The following SGCB variants were observed in gnomAD, a reference collection of about 807,000 sequenced individuals.
SGCB encodes sarcoglycan beta.
In SGCB, 25 loss-of-function variants were observed where a neutral mutation model predicts 27.3. That is an observed-to-expected ratio of 0.92 (90% CI 0.67 to 1.28). The LOEUF (loss-of-function observed/expected upper bound fraction) is 1.28, where lower values mean the gene tolerates loss of function less well. SGCB is among the 50% of genes most tolerant of loss of function. SGCB has a pLI of 0.00. For missense variants in SGCB, 436 were observed against 402.1 expected (o/e 1.08, Z -0.72); for synonymous variants, 147 against 133.5 (o/e 1.10, Z -0.70).
At chr4:52,038,141 C>T in intron 1 of SGCB, 86 bp downstream of exon 1, 1 of 1,133,888 alleles carries the variant, frequency 8.8e-7, no homozygotes, top group Non-Finnish European at 1.1e-6. Context: ...CCCCCCGCAC[C>T]CCCGGCCAGG....
chr4:52,029,550 T>C, intron 3 of SGCB, 128 bp downstream of exon 3: 1 of 599,796 alleles, frequency 1.7e-6, no homozygotes, highest in East Asian at 3.0e-5. Context: ...TTTATAGATA[T>C]ATTATAAATA....
At chr4:52,031,214 C>T (rs1057007177) in intron 2 of SGCB, among the ~76,000 whole-genome samples, 2 of 152,014 alleles carry the variant, frequency 1.3e-5, no homozygotes, top group Middle Eastern at 3.2e-3. Context: ...GATCATTTCC[C>T]CCCCAGTGTT....
intron 1 of SGCB, 133 bp downstream of exon 1, chr4:52,038,094 C>CCAG: frequency 2.2e-6 from 1 of 446,340 alleles, no homozygotes; most frequent in Non-Finnish European, 3.0e-6. Flanking sequence ...CGCCCCGCCC[C>CCAG]GATCGGCCCC....
chr4:52,031,138 C>T (rs1173818290), intron 2 of SGCB, among the ~76,000 whole-genome samples: 1 of 151,992 alleles, frequency 6.6e-6, no homozygotes, highest in African/African-American at 2.4e-5. Context: ...TCTTTTTATG[C>T]ATTACGCTGG....
chr4:52,024,070 A>G lies in SGCB; in HGVS notation c.844T>C (p.Trp282Arg), dbSNP rs1737022274. ...SSGDQLGSGD[W>R]VRYKLCMCAD... is the part of the protein sequence containing the mutation. ...CACATGCAGAGCTTGTAGCGTACCC[A>G]GTCACCACTACCCAACTGGTCTCCA... Residue 282 changes from tryptophan (W) to arginine (R), a missense_variant, in exon 6 of 6, where the codon TGG (tryptophan) becomes CGG (arginine). Trp to Arg is a moderately radical substitution (Grantham distance 101). Coordinates refer to ENST00000381431, the MANE Select transcript of SGCB (RefSeq NM_000232.5). 1 of 1,613,812 alleles carries G rather than the reference A, an allele frequency of 6.2e-7. No individual in the cohort carries two copies. Among genetic ancestry groups the G allele is most frequent in the Non-Finnish European group, 8.5e-7 (1 of 1,179,936 alleles).
chr4:52,035,706 G>A (rs1737371366), intron 1 of SGCB, among the ~76,000 whole-genome samples: 1 of 152,152 alleles, frequency 6.6e-6, no homozygotes, highest in Non-Finnish European at 1.5e-5. Context: ...CTAAACTAAA[G>A]TGGGATGAAA....
intron 5 of SGCB, among the ~76,000 whole-genome samples, chr4:52,025,883 A>C (rs1304633941): frequency 1.3e-5 from 2 of 152,220 alleles, no homozygotes; most frequent in African/African-American, 4.8e-5. Flanking sequence ...GGTGTCATTT[A>C]ATGGTACAAG....
chr4:52,035,261 G>T (rs928582029), intron 1 of SGCB, among the ~76,000 whole-genome samples: 1 of 152,230 alleles, frequency 6.6e-6, no homozygotes, highest in Admixed American at 6.5e-5. Flanking sequence ...CTATAGGAAA[G>T]GGTCCTTATC....
At chr4:52,024,576 C>T (rs192344302) in intron 5 of SGCB, among the ~76,000 whole-genome samples, 1 of 152,088 alleles carries the variant, frequency 6.6e-6, no homozygotes, top group African/African-American at 2.4e-5. Context: ...TGCCTGTAAT[C>T]CCAGCACTTT....
At chr4:52,024,262 G>A in intron 5 of SGCB, 102 bp from the exon 6 acceptor site, 1 of 843,804 alleles carries the variant, frequency 1.2e-6, no homozygotes. Flanking sequence ...AAAGCAAGCA[G>A]TAAGAAAGAG....
intron 2 of SGCB, among the ~76,000 whole-genome samples, chr4:52,031,250 T>G (rs567263134): frequency 6.6e-6 from 1 of 152,304 alleles, no homozygotes; most frequent in African/African-American, 2.4e-5. Flanking sequence ...GAAACTCCTA[T>G]TAACAGCATG....
intron 5 of SGCB, among the ~76,000 whole-genome samples, chr4:52,024,515 T>C (rs1357698854): frequency 3.3e-5 from 5 of 152,158 alleles, no homozygotes; most frequent in African/African-American, 1.2e-4. Context: ...GATTGGTAAG[T>C]TTGTGATCAT....
At position 52,028,802 on chromosome 4, in the gene SGCB, G is replaced by C; in HGVS notation, c.549C>G (p.Asp183Glu). The C allele has an allele frequency of 6.2e-7, 1 of 1,612,906 alleles. No homozygotes were observed. The highest frequency in any genetic ancestry group is 8.5e-7 in the Non-Finnish European group (1 of 1,178,936). ...PRTQNILFST[D>E]YETHEFHLPS... ...GCAAATGAAACTCATGAGTTTCATA[G>C]TCTGTGCTGAATAAGATATTTTGAG... The change falls in exon 4 of 6, where the codon GAC becomes GAG. Residue 183 changes from aspartate to glutamate, a missense_variant. Coordinates refer to ENST00000381431, the MANE Select transcript of SGCB (RefSeq NM_000232.5).
rs1311567260 is a variant in SGCB, at chr4:52,038,227, C to T, written c.33G>A (p.Gln11=). 1 of 1,278,672 alleles carries T rather than the reference C, an allele frequency of 7.8e-7. No homozygotes were observed. Among genetic ancestry groups the T allele is most frequent in the Non-Finnish European group, 9.9e-7 (1 of 1,009,630 alleles). The allele number at this position is 1,278,672 out of a possible 1,614,324, so 79.2% of individuals were successfully genotyped here. A position where few individuals can be genotyped will look rare whatever the true frequency, so the allele number is the denominator to read the frequency against. Residue 11 remains glutamine (Q), a splice_region_variant and synonymous_variant, in exon 1 of 6, where the codon CAG becomes CAA. Coordinates refer to ENST00000381431, the MANE Select transcript of SGCB (RefSeq NM_000232.5). The part of the protein sequence containing the change: MAAAAAAAAE[Q]QSSNGPVKKS... ...CGCGGCCGCGGCGGTACTCACAGAC[C>T]TGTTCTGCAGCCGCCGCCGCCGCTG...
intron 2 of SGCB, among the ~76,000 whole-genome samples, chr4:52,030,485 A>G (rs178724): frequency 0.58 from 87,770 of 152,014 alleles, 28,302 homozygotes; most frequent in Middle Eastern, 0.78. Flanking sequence ...GTCTCTCAGA[A>G]TTTAATACTT....
chr4:52,033,926 G>C (rs150132627), intron 1 of SGCB, among the ~76,000 whole-genome samples: 1 of 152,052 alleles, frequency 6.6e-6, no homozygotes, highest in Admixed American at 6.5e-5. Context: ...GTTGTCATAC[G>C]TATCCTATAG....
At chr4:52,027,359 T>C (rs550394480) in intron 5 of SGCB, among the ~76,000 whole-genome samples, 37 of 152,142 alleles carry the variant, frequency 2.4e-4, no homozygotes, top group Non-Finnish European at 4.9e-4. Flanking sequence ...AAATTCACTT[T>C]CAACAGCCAC....
At chr4:52,036,339 GAGA>G (rs529655921) in intron 1 of SGCB, among the ~76,000 whole-genome samples, 2 of 152,318 alleles carry the variant, frequency 1.3e-5, no homozygotes, top group East Asian at 1.9e-4. Flanking sequence ...TGTGGATGGT[GAGA>G]AGGATAGGTG....
In SGCB at chr4:52,038,215, G is replaced by T; in HGVS notation, c.33+12C>A. ...GCTCCTCCAGCCCGCGGCCGCGGCG[G>T]TACTCACAGACCTGTTCTGCAGCCG... On this transcript the variant is annotated intron_variant, in intron 1 of 5. Transcript: ENST00000381431. The T allele has an allele frequency of 8.0e-7, 1 of 1,248,020 alleles. No homozygotes were observed. The highest frequency in any genetic ancestry group is 1.0e-6 in the Non-Finnish European group (1 of 993,104). 77.3% of individuals were successfully genotyped at this position (1,248,020 alleles called of 1,614,324 possible).
Sources: gnomAD v4.1 joint callset for allele counts (sites outside exome capture counted in the v4.1 genomes callset) on GRCh38, gnomAD v4.1.1 for gene constraint, MANE v1.5 for transcripts, NCBI Gene and HGNC (gene_info 2026-07-23, HGNC 2026-07-21) for gene names.